Variants in PLEKHG1 observed in about 807,000 individuals in gnomAD.
The protein encoded by PLEKHG1 is pleckstrin homology domain-containing family G member 1.
In PLEKHG1, 44 loss-of-function variants were observed where a neutral mutation model predicts 100.8. The ratio of observed to expected loss-of-function variants is 0.44; its 90% CI spans 0.34 to 0.56. The LOEUF is 0.56. PLEKHG1 is among the 20% of genes least tolerant of loss of function. PLEKHG1 has a pLI of 0.01. For missense variants in PLEKHG1, 1,545 were observed against 1,720.9 expected (o/e 0.90, Z 1.81); for synonymous variants, 640 against 662.5 (o/e 0.97, Z 0.52).
chr6:150,654,440 T>C, intron 3 of PLEKHG1, among the ~76,000 whole-genome samples: 1 of 152,342 alleles, frequency 6.6e-6, no homozygotes, highest in Non-Finnish European at 1.5e-5. Flanking sequence ...GGCATCACCC[T>C]CCAGTTTCTT....
intron 1 of PLEKHG1, among the ~76,000 whole-genome samples, chr6:150,723,661 T>A (rs80249867): frequency 0.016 from 2,382 of 152,284 alleles, 58 homozygotes; most frequent in African/African-American, 0.054. Context: ...GGGGGCTTTT[T>A]AAGGATAATT....
intron 10 of PLEKHG1, among the ~76,000 whole-genome samples, chr6:150,814,168 T>C (rs1406877599): frequency 6.6e-6 from 1 of 152,206 alleles, no homozygotes; most frequent in African/African-American, 2.4e-5. Context: ...ATTTTCTTTA[T>C]GATTAGTCAT....
At chr6:150,767,380 G>A (rs960286520) in intron 2 of PLEKHG1, among the ~76,000 whole-genome samples, 2 of 152,134 alleles carry the variant, frequency 1.3e-5, no homozygotes, top group African/African-American at 4.8e-5. Flanking sequence ...TTCTTAAGAA[G>A]AAAAGTTGTT....
At chr6:150,669,398 A>G (rs1008954070) in intron 3 of PLEKHG1, among the ~76,000 whole-genome samples, 18 of 152,138 alleles carry the variant, frequency 1.2e-4, no homozygotes, top group African/African-American at 4.3e-4. Flanking sequence ...CTCCCTTATA[A>G]TTGCATCAGC....
chr6:150,652,808 A>T (rs1778805958), intron 3 of PLEKHG1, among the ~76,000 whole-genome samples: 1 of 152,202 alleles, frequency 6.6e-6, no homozygotes, highest in African/African-American at 2.4e-5. Context: ...AATCTAAAAC[A>T]ATTAAAAGCT....
At chr6:150,706,780 A>G (rs1781025072) in intron 3 of PLEKHG1, among the ~76,000 whole-genome samples, 1 of 151,940 alleles carries the variant, frequency 6.6e-6, no homozygotes, top group South Asian at 2.1e-4. Flanking sequence ...TGATAGGATA[A>G]GATACTTTGA....
At chr6:150,599,905 GC>G in exon 1 of PLEKHG1, 1 of 190,354 alleles carries the variant, frequency 5.3e-6, no homozygotes, top group Non-Finnish European at 1.1e-5. Flanking sequence ...CCGAGCCCGA[GC>G]CCGACGGCGG....
At chr6:150,665,916 A>G (rs1448334582) in intron 3 of PLEKHG1, among the ~76,000 whole-genome samples, 1 of 152,154 alleles carries the variant, frequency 6.6e-6, no homozygotes, top group Non-Finnish European at 1.5e-5. Context: ...AGGAATCCAT[A>G]ATGTATAAAC....
At chr6:150,722,861 T>C (rs1781771015) in intron 1 of PLEKHG1, among the ~76,000 whole-genome samples, 1 of 152,202 alleles carries the variant, frequency 6.6e-6, no homozygotes, top group African/African-American at 2.4e-5. Flanking sequence ...TATATAACCA[T>C]CACTGTTTAG....
rs530752115 is a variant in PLEKHG1 at position 150,643,803 on chromosome 6, G to A, written c.-158+5678G>A. The stretch of plus-strand genomic sequence containing the variant: ...GTAAAACTCATGTATCTACTGGTTA[G>A]GAGGCTAAGAAATAGCTACTAAAAG... On this transcript the variant is annotated intron_variant, in intron 2 of 3. Coordinates refer to the PLEKHG1 transcript ENST00000367326. Among the ~76,000 whole-genome samples the A allele has an allele frequency of 7.2e-5, 11 of 152,162 alleles. No homozygotes were observed. The South Asian group carries it at 2.3e-3, about 32-fold the overall frequency.
intron 2 of PLEKHG1, among the ~76,000 whole-genome samples, chr6:150,736,941 G>C (rs535909286): frequency 2.9e-4 from 44 of 152,292 alleles, no homozygotes; most frequent in African/African-American, 1.1e-3. Context: ...CCAGAAGGGG[G>C]TGAGTATTGG....
intron 3 of PLEKHG1, among the ~76,000 whole-genome samples, chr6:150,666,457 T>A (rs947057559): frequency 6.6e-6 from 1 of 152,212 alleles, no homozygotes; most frequent in South Asian, 2.1e-4. Context: ...GGTCCGTTCA[T>A]TGCTAACTTG....
chr6:150,640,022 A>G (rs1441748138), intron 2 of PLEKHG1, among the ~76,000 whole-genome samples: 1 of 152,258 alleles, frequency 6.6e-6, no homozygotes, highest in African/African-American at 2.4e-5. Context: ...TCCAAGTCGG[A>G]CAGCTCCTTA....
chr6:150,815,615 GAGAT>G (rs2128674444), intron 10 of PLEKHG1, among the ~76,000 whole-genome samples: 1 of 151,542 alleles, frequency 6.6e-6, no homozygotes, highest in Admixed American at 6.6e-5. Context: ...ATGTATGAGA[GAGAT>G]AGCTATCAGG....
At chr6:150,796,813 G>A (rs560425773) in intron 5 of PLEKHG1, among the ~76,000 whole-genome samples, 1 of 152,120 alleles carries the variant, frequency 6.6e-6, no homozygotes, top group Non-Finnish European at 1.5e-5. Flanking sequence ...GTGCATAGCT[G>A]ATGAATGGCC....
At chr6:150,771,276 G>A (rs1337836246) in intron 3 of PLEKHG1, among the ~76,000 whole-genome samples, 1 of 151,994 alleles carries the variant, frequency 6.6e-6, no homozygotes, top group East Asian at 2.0e-4. Context: ...AATTAGCTGG[G>A]TGTTGTGGCA....
intron 1 of PLEKHG1, among the ~76,000 whole-genome samples, chr6:150,730,669 G>C (rs1324223945): frequency 6.6e-6 from 1 of 152,138 alleles, no homozygotes; most frequent in Admixed American, 6.5e-5. Context: ...TTGGGAGGCC[G>C]AGGTGGGTGG....
chr6:150,703,561 A>C (rs1294793211), intron 3 of PLEKHG1, among the ~76,000 whole-genome samples: 1 of 150,564 alleles, frequency 6.6e-6, no homozygotes, highest in Non-Finnish European at 1.5e-5. Flanking sequence ...AGATTGCGCC[A>C]CTGCACTCTT....
intron 2 of PLEKHG1, among the ~76,000 whole-genome samples, chr6:150,763,429 G>A (rs1165019886): frequency 6.6e-6 from 1 of 152,122 alleles, no homozygotes; most frequent in Non-Finnish European, 1.5e-5. Flanking sequence ...CTTAGAGCTT[G>A]GGCCCTAGCA....
Sources: allele counts gnomAD v4.1 joint callset (sites outside exome capture counted in the v4.1 genomes callset), GRCh38; gene constraint gnomAD v4.1.1; transcripts MANE v1.5; gene names NCBI Gene and HGNC (gene_info 2026-07-23, HGNC 2026-07-21).